PDE7A: variants seen among roughly 807,000 people sequenced by gnomAD.
PDE7A encodes the protein high affinity 3',5'-cyclic-AMP phosphodiesterase 7A.
PDE7A carries 39 observed loss-of-function variants against 64.3 expected under a neutral mutation model. The ratio of observed to expected loss-of-function variants is 0.61; its 90% CI spans 0.47 to 0.79. The LOEUF (loss-of-function observed/expected upper bound fraction) is 0.79. Ranked by LOEUF, PDE7A falls within the 30% of genes least tolerant of loss-of-function variation. The probability of loss-of-function intolerance (pLI) is 0.00; values close to 1 mark genes in which losing one functional copy is unlikely to be tolerated. For synonymous variants in PDE7A, 203 were observed against 206.8 expected (o/e 0.98, Z 0.16); for missense variants, 470 against 582.8 (o/e 0.81, Z 1.99).
At chr8:65,826,348 G>C (rs1028302649) in intron 1 of PDE7A, among the ~76,000 whole-genome samples, 10 of 152,194 alleles carry the variant, frequency 6.6e-5, no homozygotes, top group Non-Finnish European at 2.9e-5. Flanking sequence ...CTTTGAACTA[G>C]GTAGGACTGA....
At chr8:65,803,921 A>G (rs1810052590) in intron 1 of PDE7A, among the ~76,000 whole-genome samples, 2 of 152,144 alleles carry the variant, frequency 1.3e-5, no homozygotes, top group African/African-American at 2.4e-5. Flanking sequence ...AGGTGTGTGT[A>G]TATGCATCTC....
intron 1 of PDE7A, among the ~76,000 whole-genome samples, chr8:65,798,206 A>ATATATATATATTTTTTTT: frequency 2.7e-5 from 2 of 73,834 alleles, no homozygotes; most frequent in African/African-American, 1.2e-4. Context: ...ATATATATAT[A>ATATATATATATTTTTTTT]TTTTTTTTTT....
chr8:65,750,510 GTGTC>G (rs1563487116), intron 3 of PDE7A, among the ~76,000 whole-genome samples: 18 of 151,480 alleles, frequency 1.2e-4, no homozygotes, highest in African/African-American at 4.4e-4. Context: ...GTGTCTGTGT[GTGTC>G]TGTGTGTGTG....
Position 65,821,397 on chromosome 8 carries a change from T to A in PDE7A, c.138+19974A>T, listed in dbSNP as rs199931731. On this transcript the variant is annotated intron_variant, in intron 1 of 12. Transcript: ENST00000401827. ...AAATTCCCTCCCCCCTAAACCAAGA[T>A]ACAGCCCAACCCAAAGAAAGCAAAA... Among the ~76,000 whole-genome samples the A allele has an allele frequency of 7.8e-4, 118 of 151,920 alleles. 1 individual carries two copies. Among genetic ancestry groups the A allele is most frequent in the Admixed American group, 1.8e-3 (27 of 15,274 alleles).
At chr8:65,818,757 C>T (rs540627133) in intron 1 of PDE7A, among the ~76,000 whole-genome samples, 8 of 152,164 alleles carry the variant, frequency 5.3e-5, no homozygotes, top group African/African-American at 1.9e-4. Context: ...ACATGCACAG[C>T]CTCATCCAGG....
intron 1 of PDE7A, among the ~76,000 whole-genome samples, chr8:65,822,443 C>T (rs1344362924): frequency 2.0e-5 from 3 of 152,276 alleles, no homozygotes; most frequent in East Asian, 3.9e-4. Flanking sequence ...CTGGACTCTC[C>T]GTAGGACTGG....
At chr8:65,796,689 C>T (rs909062567) in intron 1 of PDE7A, among the ~76,000 whole-genome samples, 1 of 151,912 alleles carries the variant, frequency 6.6e-6, no homozygotes, top group African/African-American at 2.4e-5. Context: ...TAAAAGAAAA[C>T]TTCTTCACCA....
At chr8:65,744,612 C>T (rs1343695162) in intron 5 of PDE7A, among the ~76,000 whole-genome samples, 2 of 152,178 alleles carry the variant, frequency 1.3e-5, no homozygotes, top group Non-Finnish European at 1.5e-5. Flanking sequence ...TACAGCTCTT[C>T]CCCATTCCCT....
chr8:65,748,876 G>A (rs1390543996), intron 3 of PDE7A, among the ~76,000 whole-genome samples: 1 of 152,196 alleles, frequency 6.6e-6, no homozygotes, highest in Non-Finnish European at 1.5e-5. Flanking sequence ...TAAAATTGAT[G>A]CTGCTCCCAC....
chr8:65,828,332 GC>G, intron 1 of PDE7A, among the ~76,000 whole-genome samples: 1 of 152,174 alleles, frequency 6.6e-6, no homozygotes, highest in East Asian at 1.9e-4. Flanking sequence ...GCATTAAATG[GC>G]TGTTAAATTG....
rs1451273954 is a variant in PDE7A at position 65,841,994 on chromosome 8, G to C, written c.-486C>G. 3 of 258,282 alleles carry C rather than the reference G, an allele frequency of 1.2e-5. No homozygotes were observed. In the East Asian group the frequency reaches 4.8e-4, roughly 41 times the overall value. The allele number at this position is 258,282 out of a possible 1,614,324, so 16.0% of individuals were successfully genotyped here. On this transcript the variant is annotated 5_prime_UTR_variant, in exon 1 of 13. Coordinates refer to ENST00000401827, the MANE Select transcript of PDE7A (RefSeq NM_001242318.3). ...CGCCGCCGCCGCCGCCGCCGCCGCC[G>C]GAGTCCTGCTCCTCCCCTCCCCCGG...
chr8:65,840,762 T>A (rs1357314438), intron 1 of PDE7A, among the ~76,000 whole-genome samples: 1 of 152,216 alleles, frequency 6.6e-6, no homozygotes, highest in Non-Finnish European at 1.5e-5. Context: ...AATCTCCTTA[T>A]CAAATTAAAA....
intron 6 of PDE7A, among the ~76,000 whole-genome samples, chr8:65,736,567 A>G (rs1233909030): frequency 6.6e-6 from 1 of 152,008 alleles, no homozygotes; most frequent in Non-Finnish European, 1.5e-5. Context: ...AGCCTAGGCC[A>G]TTAGCAAGAC....
At chr8:65,814,583 C>T (rs1364214962) in intron 1 of PDE7A, among the ~76,000 whole-genome samples, 6 of 148,898 alleles carry the variant, frequency 4.0e-5, no homozygotes, top group Middle Eastern at 3.5e-3. Context: ...ATAATACATA[C>T]GAAGATGTCT....
chr8:65,828,893 A>G lies in PDE7A; in HGVS notation c.138+12478T>C, dbSNP rs1305102876. 3.3e-5 allele frequency among the ~76,000 whole-genome samples: 5 copies of G among 151,904 alleles called. No homozygotes were observed. The East Asian group carries it at 9.6e-4, about 29-fold the overall frequency. ...ATATTTCTTCTTGGAACTGCTTGAG[A>G]CTTTTGCTAATTTTCTACCGAGTAG... On this transcript the variant is annotated intron_variant, in intron 1 of 12. Coordinates refer to ENST00000401827, the MANE Select transcript of PDE7A (RefSeq NM_001242318.3).
At chr8:65,730,611 G>A (rs765675166) in intron 7 of PDE7A, among the ~76,000 whole-genome samples, 36 of 152,084 alleles carry the variant, frequency 2.4e-4, no homozygotes, top group Non-Finnish European at 1.5e-4. Context: ...AAAGGTTGGC[G>A]GCCACTGCTC....
intron 1 of PDE7A, among the ~76,000 whole-genome samples, chr8:65,823,999 C>T (rs1810606642): frequency 6.6e-6 from 1 of 151,940 alleles, no homozygotes; most frequent in Admixed American, 6.6e-5. Flanking sequence ...ACAACAAAAA[C>T]AAGAGCCAAT....
At chr8:65,782,230 G>C (rs145415036) in intron 2 of PDE7A, among the ~76,000 whole-genome samples, 1 of 152,252 alleles carries the variant, frequency 6.6e-6, no homozygotes, top group East Asian at 1.9e-4. Context: ...AGGAGACATG[G>C]ATGAAGACAG....
chr8:65,774,947 C>T (rs559899026), intron 3 of PDE7A, among the ~76,000 whole-genome samples: 67 of 152,246 alleles, frequency 4.4e-4, no homozygotes, highest in African/African-American at 1.3e-3. Flanking sequence ...CTTAGTATTA[C>T]GATGAAAATA....
Sources: allele counts gnomAD v4.1 joint callset (sites outside exome capture counted in the v4.1 genomes callset), GRCh38; gene constraint gnomAD v4.1.1; transcripts MANE v1.5; gene names NCBI Gene and HGNC (gene_info 2026-07-23, HGNC 2026-07-21).